The following CACNA2D3 variants were observed in gnomAD, a reference collection of about 807,000 sequenced individuals.
CACNA2D3 encodes the protein calcium voltage-gated channel auxiliary subunit alpha2delta 3, also known as voltage-dependent calcium channel subunit alpha-2/delta-3.
In CACNA2D3, 60 loss-of-function variants were observed where a neutral mutation model predicts 160.6. That is an observed-to-expected ratio of 0.37 (90% CI 0.30 to 0.46). The LOEUF (loss-of-function observed/expected upper bound fraction) is 0.46, where lower values mean the gene tolerates loss of function less well. Ranked by LOEUF, CACNA2D3 falls within the 20% of genes least tolerant of loss-of-function variation. The pLI, the probability that CACNA2D3 is intolerant of heterozygous loss-of-function variation, is 1.00. For missense variants in CACNA2D3, 1,205 were observed against 1,365.0 expected, an observed-to-expected ratio of 0.88 and a Z score of 1.85; for synonymous variants, 558 against 492.9, an observed-to-expected ratio of 1.13 and a Z score of -1.75.
chr3:54,376,283 C>T (rs1699011287), intron 3 of CACNA2D3, among the ~76,000 whole-genome samples: 1 of 152,222 alleles, frequency 6.6e-6, no homozygotes, highest in Non-Finnish European at 1.5e-5. Flanking sequence ...CCTTCGCCGT[C>T]ACCTCTCTCA....
rs550991112 is a variant in CACNA2D3 at position 54,893,063 on chromosome 3, G to A, written c.2246+1613G>A. Among the ~76,000 whole-genome samples the A allele has an allele frequency of 2.6e-5, 4 of 152,304 alleles. No individual in the cohort carries two copies. In the South Asian group the frequency reaches 8.3e-4, roughly 32 times the overall value. On this transcript the variant is annotated intron_variant, in intron 25 of 37. Coordinates refer to ENST00000474759, the MANE Select transcript of CACNA2D3 (RefSeq NM_018398.3). ...GGCCAAGGCAGGCAGATCACTTGAG[G>A]TCAGGAGTTTGAGACCAGCCTGGTC...
At chr3:54,904,717 A>T (rs1261081018) in intron 27 of CACNA2D3, among the ~76,000 whole-genome samples, 2 of 152,206 alleles carry the variant, frequency 1.3e-5, no homozygotes, top group African/African-American at 4.8e-5. Context: ...GCGATACTGG[A>T]TAAATACATG....
chr3:54,531,134 T>C (rs922810322), intron 5 of CACNA2D3, among the ~76,000 whole-genome samples: 3 of 152,276 alleles, frequency 2.0e-5, no homozygotes, highest in African/African-American at 7.2e-5. Flanking sequence ...TGGTCGAGGA[T>C]GGATTATTCG....
chr3:54,123,976 C>G (rs11923946), intron 2 of CACNA2D3, among the ~76,000 whole-genome samples: 21,826 of 152,184 alleles, frequency 0.14, 1,745 homozygotes, highest in East Asian at 0.19. Flanking sequence ...TGATGCCTTT[C>G]ACCTTGCGTT....
chr3:54,906,056 G>A (rs545341819), intron 27 of CACNA2D3, among the ~76,000 whole-genome samples: 2 of 152,280 alleles, frequency 1.3e-5, no homozygotes, highest in East Asian at 3.9e-4. Flanking sequence ...GATGTCCAGA[G>A]ACTGAGATGA....
At chr3:54,158,784 G>A (rs1576967210) in intron 2 of CACNA2D3, among the ~76,000 whole-genome samples, 1 of 152,168 alleles carries the variant, frequency 6.6e-6, no homozygotes, top group East Asian at 1.9e-4. Context: ...TGTCAGACCT[G>A]CCCATCTGCA....
At chr3:54,201,469 G>A (rs1349777482) in intron 2 of CACNA2D3, among the ~76,000 whole-genome samples, 1 of 152,164 alleles carries the variant, frequency 6.6e-6, no homozygotes, top group South Asian at 2.1e-4. Flanking sequence ...AACATTTCAC[G>A]TAGACTCCAA....
chr3:55,023,968 T>C (rs1703512191), intron 35 of CACNA2D3, among the ~76,000 whole-genome samples: 1 of 141,142 alleles, frequency 7.1e-6, no homozygotes, highest in Non-Finnish European at 1.5e-5. Context: ...TATTTAAACA[T>C]GTTTGTTTTG....
chr3:55,007,060 A>G (rs1488927113), intron 32 of CACNA2D3, among the ~76,000 whole-genome samples: 5 of 152,202 alleles, frequency 3.3e-5, no homozygotes, highest in Admixed American at 6.5e-5. Flanking sequence ...CAAAGAACCA[A>G]CTGAGGGGGA....
chr3:54,320,386 C>A, intron 2 of CACNA2D3, 56 bp from the exon 3 acceptor site: 1 of 804,402 alleles, frequency 1.2e-6, no homozygotes, highest in Non-Finnish European at 2.0e-6. Flanking sequence ...TCTGAAATCA[C>A]AGCTGTGGTG....
At chr3:54,137,493 C>G (rs1699835646) in intron 2 of CACNA2D3, among the ~76,000 whole-genome samples, 3 of 152,196 alleles carry the variant, frequency 2.0e-5, no homozygotes, top group Admixed American at 2.0e-4. Flanking sequence ...AAAGCCTGCT[C>G]CTAATCTCCC....
intron 2 of CACNA2D3, among the ~76,000 whole-genome samples, chr3:54,312,833 C>T (rs1489823706): frequency 2.0e-5 from 3 of 152,072 alleles, no homozygotes; most frequent in Non-Finnish European, 2.9e-5. Context: ...ACACAGAATG[C>T]GTTCTGCCTA....
Position 54,732,213 on chromosome 3 carries a change from C to T in CACNA2D3, c.1168-20386C>T, listed in dbSNP as rs913749254. On this transcript the variant is annotated intron_variant, in intron 11 of 37. Coordinates refer to ENST00000474759, the MANE Select transcript of CACNA2D3 (RefSeq NM_018398.3). Reference sequence around the variant, plus strand: ...ACTCTGTAATTTTACATGATTTGGACAGTGCGAAGCACACAGGGCAGAATG... The same window carrying T: ...ACTCTGTAATTTTACATGATTTGGATAGTGCGAAGCACACAGGGCAGAATG... Among the ~76,000 whole-genome samples the T allele has an allele frequency of 2.0e-5, 3 of 152,252 alleles. No homozygotes were observed. In the South Asian group the frequency reaches 6.2e-4, roughly 32 times the overall value.
intron 9 of CACNA2D3, among the ~76,000 whole-genome samples, chr3:54,622,462 A>G (rs1699009419): frequency 1.3e-5 from 2 of 152,088 alleles, no homozygotes; most frequent in South Asian, 4.1e-4. Context: ...TTGTTAGTAG[A>G]GATGGGGTTT....
chr3:54,258,693 A>G (rs892057348), intron 2 of CACNA2D3, among the ~76,000 whole-genome samples: 2 of 151,170 alleles, frequency 1.3e-5, no homozygotes, highest in African/African-American at 2.5e-5. Flanking sequence ...CATAAAATAC[A>G]TAGCTGAGAA....
intron 10 of CACNA2D3, among the ~76,000 whole-genome samples, chr3:54,637,305 AG>A: frequency 6.6e-6 from 1 of 151,862 alleles, no homozygotes; most frequent in South Asian, 2.1e-4. Flanking sequence ...GTCACCAAGG[AG>A]GGAGTAGACG....
chr3:54,879,066 G>A lies in CACNA2D3; in HGVS notation c.1759G>A (p.Val587Met), dbSNP rs1699730251. The A allele has an allele frequency of 6.2e-7, 1 of 1,605,460 alleles. No homozygotes were observed. Among genetic ancestry groups the A allele is most frequent in the African/African-American group, 1.3e-5 (1 of 74,508 alleles). ...AAAGACGGGGAAGTTTTCCATGGAG[G>A]TGAAGAAGACAGTGGACAAAGGGGT... ...NRKTGKFSME[V>M]KKTVDKGKRV... Residue 587 changes from valine to methionine, a missense_variant, in exon 19 of 38, where the codon GTG becomes ATG. Coordinates refer to ENST00000474759, the MANE Select transcript of CACNA2D3 (RefSeq NM_018398.3).
At chr3:54,907,946 GACA>G (rs1004742338) in intron 27 of CACNA2D3, among the ~76,000 whole-genome samples, 25 of 152,254 alleles carry the variant, frequency 1.6e-4, no homozygotes, top group African/African-American at 6.0e-4. Context: ...TGTATGGATA[GACA>G]ACATTTAGCA....
chr3:54,681,867 G>C (rs13091928), intron 11 of CACNA2D3, among the ~76,000 whole-genome samples: 182 of 152,170 alleles, frequency 1.2e-3, no homozygotes, highest in African/African-American at 4.1e-3. Context: ...ACTTTTAGTA[G>C]AGATGGGGTT....
Sources: allele counts gnomAD v4.1 joint callset (sites outside exome capture counted in the v4.1 genomes callset), GRCh38; gene constraint gnomAD v4.1.1; transcripts MANE v1.5; gene names NCBI Gene and HGNC (gene_info 2026-07-23, HGNC 2026-07-21).